MAJIN: variants seen among roughly 807,000 people sequenced by gnomAD.
MAJIN encodes membrane-anchored junction protein.
Under a neutral mutation model 30.2 loss-of-function variants are expected in MAJIN, and 27 were observed. The ratio of observed to expected loss-of-function variants is 0.89; its 90% CI spans 0.66 to 1.23. MAJIN has a LOEUF of 1.23. MAJIN is among the 50% of genes most tolerant of loss of function. The pLI, the probability that MAJIN is intolerant of heterozygous loss-of-function variation, is 0.00. For missense variants in MAJIN, 253 were observed against 260.3 expected (o/e 0.97, Z 0.19); for synonymous variants, 78 against 91.6 (o/e 0.85, Z 0.85).
intron 9 of MAJIN, 125 bp downstream of exon 9, chr11:64,940,449 G>T: frequency 1.1e-6 from 1 of 915,758 alleles, no homozygotes; most frequent in Non-Finnish European, 1.7e-6. Flanking sequence ...GCACCTCCAC[G>T]GGAGCAAGGC....
intron 1 of MAJIN, 31 bp downstream of exon 1, chr11:64,971,846 C>T (rs1402340204): frequency 6.6e-6 from 1 of 152,434 alleles, no homozygotes; most frequent in East Asian, 1.9e-4. Flanking sequence ...AAGACAACTT[C>T]CCGAGGGCCC....
chr11:64,966,144 T>TAAAAAAAAAAAAAAAA (rs1945804233), intron 1 of MAJIN, among the ~76,000 whole-genome samples: 2 of 10,390 alleles, frequency 1.9e-4, no homozygotes, highest in Non-Finnish European at 5.6e-4. Flanking sequence ...AGATTAAAAA[T>TAAAAAAAAAAAAAAAA]GAAAAAAAAA....
rs1022338193 is a variant in MAJIN at position 64,938,485 on chromosome 11, A to G, written c.*90T>C. The G allele has an allele frequency of 6.6e-6, 10 of 1,522,154 alleles. No homozygotes were observed. The highest frequency in any genetic ancestry group is 8.8e-6 in the Non-Finnish European group (10 of 1,134,368). 94.3% of individuals were successfully genotyped at this position (1,522,154 alleles called of 1,614,324 possible). A position where few individuals can be genotyped will look rare whatever the true frequency, so the allele number is the denominator to read the frequency against. On this transcript the variant is annotated 3_prime_UTR_variant, in exon 11 of 11. Coordinates refer to ENST00000301896, the MANE Select transcript of MAJIN (RefSeq NM_001037225.3). ...GAAGAATGGCTCGGGAGGAGTCACT[A>G]CAAGAGATGATCCTCTTTCCAGCGC...
intron 1 of MAJIN, among the ~76,000 whole-genome samples, chr11:64,961,975 C>G (rs1256553053): frequency 6.6e-6 from 1 of 151,920 alleles, no homozygotes; most frequent in African/African-American, 2.4e-5. Context: ...TTTTTGGAGA[C>G]AGGGTCTCAC....
intron 3 of MAJIN, among the ~76,000 whole-genome samples, chr11:64,955,079 G>A (rs1375854674): frequency 6.6e-6 from 1 of 152,156 alleles, no homozygotes; most frequent in Non-Finnish European, 1.5e-5. Context: ...GTGTGCTTTG[G>A]GGACCCTTTC....
At chr11:64,949,161 T>TA (rs562375029) in intron 6 of MAJIN, among the ~76,000 whole-genome samples, 3,851 of 111,768 alleles carry the variant, frequency 0.034, 189 homozygotes, top group African/African-American at 0.11. Flanking sequence ...CTGTCTCTAC[T>TA]AAAAAAAAAA....
Position 64,938,274 on chromosome 11 carries a change from G to A in MAJIN, c.*301C>T, listed in dbSNP as rs923723827. 14 of 439,190 alleles carry A rather than the reference G, an allele frequency of 3.2e-5. No homozygotes were observed. The highest frequency in any genetic ancestry group is 5.0e-5 in the Non-Finnish European group (12 of 240,426). The allele number at this position is 439,190 out of a possible 1,614,324, so 27.2% of individuals were successfully genotyped here. A position where few individuals can be genotyped will look rare whatever the true frequency, so the allele number is the denominator to read the frequency against. On this transcript the variant is annotated 3_prime_UTR_variant, in exon 11 of 11. Transcript: ENST00000301896. ...TATTGTCATTAGGATCCTAAGTGCC[G>A]AAGACAAAAGGCCTAAACCGGCCCT...
Position 64,967,051 on chromosome 11 carries a change from C to T in MAJIN, c.-65+4826G>A, listed in dbSNP as rs1945822475. On this transcript the variant is annotated intron_variant, in intron 1 of 10. Coordinates refer to ENST00000301896, the MANE Select transcript of MAJIN (RefSeq NM_001037225.3). ...ACTTTCAGAGGCTGAGGCAGGACTACTTGAGCCCAGGAGTTCGAGACCAGC... is the reference window on the plus strand; with the variant it reads ...ACTTTCAGAGGCTGAGGCAGGACTATTTGAGCCCAGGAGTTCGAGACCAGC... 2.6e-5 allele frequency among the ~76,000 whole-genome samples: 4 copies of T among 151,472 alleles called. No homozygotes were observed. In the South Asian group the frequency reaches 8.4e-4, roughly 32 times the overall value.
chr11:64,954,721 G>C, intron 4 of MAJIN, 36 bp downstream of exon 4: 12 of 1,603,140 alleles, frequency 7.5e-6, no homozygotes, highest in South Asian at 1.1e-5. Flanking sequence ...TCCTTAAAGA[G>C]TAACTTTTCC....
chr11:64,941,200 G>A (rs113965349), intron 8 of MAJIN, among the ~76,000 whole-genome samples: 6,948 of 152,108 alleles, frequency 0.046, 183 homozygotes, highest in Middle Eastern at 0.065. Context: ...TAAGATTTAA[G>A]AGCCAAGAAT....
intron 1 of MAJIN, among the ~76,000 whole-genome samples, chr11:64,969,601 C>T (rs1365210968): frequency 2.0e-5 from 3 of 151,836 alleles, no homozygotes; most frequent in Non-Finnish European, 4.4e-5. Context: ...CAGAAGCTGA[C>T]AGTAGCCAGG....
At chr11:64,954,381 G>C in intron 4 of MAJIN, 1 of 370,466 alleles carries the variant, frequency 2.7e-6, no homozygotes, top group Non-Finnish European at 5.1e-6. Flanking sequence ...ATTTACAGTC[G>C]AGTTTCCTGA....
chr11:64,953,132 A>C (rs1590698521), intron 4 of MAJIN, among the ~76,000 whole-genome samples: 1 of 152,104 alleles, frequency 6.6e-6, no homozygotes, highest in Non-Finnish European at 1.5e-5. Flanking sequence ...GAATGTAAAT[A>C]CTCTCGAGCT....
In MAJIN at chr11:64,972,079, C is replaced by T. The variant is rs961995237; in HGVS notation, c.-267G>A. ...CAACTTCGGGGCTCGTGCCGCGCAC[C>T]CACCAGGCCTTCTGCGCACGCGCAA... On this transcript the variant is annotated 5_prime_UTR_variant, in exon 1 of 11. Transcript: ENST00000301896. 7 of 152,186 alleles carry T rather than the reference C, an allele frequency of 4.6e-5. No homozygotes were observed. Among genetic ancestry groups the T allele is most frequent in the East Asian group, 1.9e-4 (1 of 5,176 alleles). 9.4% of individuals were successfully genotyped at this position (152,186 alleles called of 1,614,324 possible). A position where few individuals can be genotyped will look rare whatever the true frequency, so the allele number is the denominator to read the frequency against.
chr11:64,959,286 C>T lies in MAJIN; in HGVS notation c.101+19G>A, dbSNP rs202158936. 1.9e-6 allele frequency: 3 copies of T among 1,593,974 alleles called. No homozygotes were observed. Among genetic ancestry groups the T allele is most frequent in the East Asian group, 2.2e-5 (1 of 44,774 alleles). ...CTAACTGGTGTTTGCATAGGCTACC[C>T]TCCTACCTTTGAAATTACCTGATAC... is the stretch of plus-strand genomic sequence containing the variant. On this transcript the variant is annotated intron_variant, in intron 3 of 10. Coordinates refer to ENST00000301896, the MANE Select transcript of MAJIN (RefSeq NM_001037225.3).
intron 1 of MAJIN, among the ~76,000 whole-genome samples, chr11:64,967,684 C>T (rs942977427): frequency 1.3e-5 from 2 of 152,004 alleles, no homozygotes; most frequent in Non-Finnish European, 2.9e-5. Context: ...AAAGACAATG[C>T]TACAAGGTGA....
intron 9 of MAJIN, 72 bp downstream of exon 9, chr11:64,940,502 C>T (rs1945357413): frequency 6.8e-7 from 1 of 1,481,424 alleles, no homozygotes; most frequent in African/African-American, 1.4e-5. Context: ...CTGTGCTGCT[C>T]TACATATCAG....
chr11:64,970,598 C>T (rs694907), intron 1 of MAJIN, among the ~76,000 whole-genome samples: 68,545 of 150,768 alleles, frequency 0.45, 18,317 homozygotes, highest in Non-Finnish European at 0.62. Context: ...ATCTCCTGAC[C>T]TTGTGATCCA....
Position 64,956,323 on chromosome 11 carries a change from A to T in MAJIN, c.102-1521T>A, listed in dbSNP as rs149097129. ...TCAAATAAATAAATAAATAAATAAA[A>T]ATAAAAATACAAAAAATTAGCTGGA... On this transcript the variant is annotated intron_variant, in intron 3 of 10. Transcript: ENST00000301896. Among the ~76,000 whole-genome samples, 175 of 151,848 alleles carry T rather than the reference A, an allele frequency of 1.2e-3. 2 individuals carry two copies. In the East Asian group the frequency reaches 0.016, roughly 14 times the overall value.
Sources: allele counts gnomAD v4.1 joint callset (sites outside exome capture counted in the v4.1 genomes callset), GRCh38; gene constraint gnomAD v4.1.1; transcripts MANE v1.5; gene names NCBI Gene and HGNC (gene_info 2026-07-23, HGNC 2026-07-21).